Variants in CNIH3 observed in about 807,000 individuals in gnomAD.
CNIH3 encodes the protein cornichon family AMPA receptor auxiliary protein 3, also known as protein cornichon homolog 3.
In CNIH3, 14 loss-of-function variants were observed where a neutral mutation model predicts 24.1. The observed-to-expected ratio is 0.58, with a 90% CI of 0.38 to 0.91. CNIH3 has a LOEUF of 0.91. CNIH3 is among the 40% of genes least tolerant of loss of function. The probability of loss-of-function intolerance (pLI) is 0.00; values close to 1 mark genes in which losing one functional copy is unlikely to be tolerated. For missense variants in CNIH3, 178 were observed against 196.8 expected, an observed-to-expected ratio of 0.90 and a Z score of 0.57; for synonymous variants, 68 against 73.8, an observed-to-expected ratio of 0.92 and a Z score of 0.40.
intron 1 of CNIH3, among the ~76,000 whole-genome samples, chr1:224,677,439 T>C (rs760119442): frequency 9.2e-5 from 14 of 152,180 alleles, no homozygotes; most frequent in Non-Finnish European, 7.3e-5. Context: ...GTTAGGTGAA[T>C]GGATGGATAC....
In CNIH3 at chr1:224,452,514, G is replaced by T. The variant is rs192601069; in HGVS notation, n.203+17652G>T. On this transcript the variant is annotated intron_variant and non_coding_transcript_variant, in intron 1 of 5. Coordinates refer to the CNIH3 transcript ENST00000471578. ...AGTAAAGTGTTGGCCGGGCACGGTG[G>T]CTCACACCTGTAATCCCAGCACTTT... is the stretch of plus-strand genomic sequence containing the variant. 2.9e-3 allele frequency among the ~76,000 whole-genome samples: 440 copies of T among 151,832 alleles called. 3 individuals carry two copies. The highest frequency in any genetic ancestry group is 0.01 in the African/African-American group (423 of 41,462).
Position 224,616,352 on chromosome 1 carries a change from GGCA to G in CNIH3, c.-815_-813del. The G allele has an allele frequency of 1.8e-6, 1 of 562,370 alleles. No individual in the cohort carries two copies. The highest frequency in any genetic ancestry group is 2.4e-6 in the Non-Finnish European group (1 of 422,084). 34.8% of individuals were successfully genotyped at this position (562,370 alleles called of 1,614,324 possible). The stretch of plus-strand genomic sequence containing the variant: ...AGGCGGCGGCGGCGGCGGCGGCAGC[GGCA>G]GCAGCAGGTGGAGCGAGCTACAGCG... On this transcript the variant is annotated 5_prime_UTR_variant, in exon 1 of 6. Coordinates refer to ENST00000272133, the MANE Select transcript of CNIH3 (RefSeq NM_152495.2).
exon 1 of CNIH3, chr1:224,434,755 C>G: frequency 1.0e-6 from 1 of 987,040 alleles, no homozygotes; most frequent in Non-Finnish European, 1.2e-6. Flanking sequence ...CCGCTCCGCT[C>G]TGCTCCCTGG....
At chr1:224,580,297 G>C (rs1681216052) in intron 4 of CNIH3, among the ~76,000 whole-genome samples, 1 of 152,142 alleles carries the variant, frequency 6.6e-6, no homozygotes, top group Non-Finnish European at 1.5e-5. Context: ...TCATCCATCT[G>C]CTTTCCAGTT....
intron 4 of CNIH3, among the ~76,000 whole-genome samples, chr1:224,580,082 A>G (rs942998315): frequency 4.6e-5 from 7 of 152,172 alleles, no homozygotes; most frequent in Non-Finnish European, 2.9e-5. Context: ...AGCTGTGCCT[A>G]GAATCCTGAC....
rs138335492 is a variant in CNIH3, at chr1:224,456,503, C to T, written n.203+21641C>T. 6.6e-3 allele frequency among the ~76,000 whole-genome samples: 1,012 copies of T among 152,274 alleles called. 12 individuals are homozygous for T. The highest frequency in any genetic ancestry group is 0.023 in the African/African-American group (964 of 41,568). ...ACGGCTCACAGTAGCCTGGACCTCC[C>T]GGGCTCGAGCCATCCTCCCACCTCA... On this transcript the variant is annotated intron_variant and non_coding_transcript_variant, in intron 1 of 5. Transcript: ENST00000471578.
chr1:224,488,080 G>C (rs1021124637), intron 1 of CNIH3, among the ~76,000 whole-genome samples: 1 of 151,674 alleles, frequency 6.6e-6, no homozygotes, highest in African/African-American at 2.4e-5. Context: ...GTTGATACTA[G>C]TTGAGAATCT....
intron 1 of CNIH3, among the ~76,000 whole-genome samples, chr1:224,642,469 A>G (rs1029024585): frequency 1.3e-5 from 2 of 152,100 alleles, no homozygotes; most frequent in African/African-American, 2.4e-5. Context: ...GCCTCTAACA[A>G]TCCACCTGCC....
At chr1:224,443,215 A>G (rs1674994316) in intron 1 of CNIH3, among the ~76,000 whole-genome samples, 3 of 152,126 alleles carry the variant, frequency 2.0e-5, no homozygotes, top group South Asian at 4.1e-4. Flanking sequence ...GAGGAAATGA[A>G]TTTTCTTTCC....
chr1:224,714,011 C>G (rs900107473), intron 3 of CNIH3, among the ~76,000 whole-genome samples: 3 of 152,110 alleles, frequency 2.0e-5, no homozygotes, highest in Admixed American at 1.3e-4. Context: ...GATGGGATTT[C>G]ACCATGTTGT....
chr1:224,561,337 T>G (rs908664210), intron 3 of CNIH3, among the ~76,000 whole-genome samples: 8 of 152,222 alleles, frequency 5.3e-5, no homozygotes, highest in African/African-American at 1.9e-4. Flanking sequence ...TCTAAAAGTT[T>G]TATCATTTCA....
rs1180823912 is a variant in CNIH3, at chr1:224,474,218, G to A, written n.203+39356G>A. ...CGTCTCTACTAAAAATACAAAATTA[G>A]CTGGGCATGGTGGTGCATGCCTGTA... is the stretch of plus-strand genomic sequence containing the variant. On this transcript the variant is annotated intron_variant and non_coding_transcript_variant, in intron 1 of 5. Transcript: ENST00000471578. Among the ~76,000 whole-genome samples the A allele has an allele frequency of 3.9e-5, 6 of 152,156 alleles. No homozygotes were observed. The East Asian group carries it at 1.2e-3, about 30-fold the overall frequency.
chr1:224,735,580 G>A (rs1006207344), intron 5 of CNIH3, among the ~76,000 whole-genome samples: 65 of 152,238 alleles, frequency 4.3e-4, no homozygotes, highest in Non-Finnish European at 8.1e-4. Flanking sequence ...TGGACTGCAC[G>A]CCACCCCTAG....
intron 3 of CNIH3, among the ~76,000 whole-genome samples, chr1:224,715,198 A>C (rs1366874039): frequency 6.6e-6 from 1 of 152,082 alleles, no homozygotes; most frequent in Non-Finnish European, 1.5e-5. Flanking sequence ...CATCTTCCTT[A>C]GCAGTGTCTG....
rs547479266 is a variant in CNIH3 at position 224,604,919 on chromosome 1, G to A, written n.402+38655G>A. 6.6e-6 allele frequency among the ~76,000 whole-genome samples: 1 copy of A among 152,186 alleles called. No homozygotes were observed. Among genetic ancestry groups the A allele is most frequent in the Non-Finnish European group, 1.5e-5 (1 of 68,030 alleles). ...TGAGTGATGAAAATGGCTTTCAGAG[G>A]AGAGGGGACATGGGGTTGGTCCTGC... On this transcript the variant is annotated intron_variant and non_coding_transcript_variant, in intron 3 of 7. Transcript: ENST00000478120. The surrounding 1 kb of genome is among the most constrained non-coding windows in gnomAD (Gnocchi z 4.4).
chr1:224,620,588 C>A (rs557819646), intron 1 of CNIH3, among the ~76,000 whole-genome samples: 1 of 152,196 alleles, frequency 6.6e-6, no homozygotes, highest in South Asian at 2.1e-4. Flanking sequence ...TTAAATTAGA[C>A]TTCTGCTTAT....
At chr1:224,496,499 G>A (rs575765697) in intron 1 of CNIH3, among the ~76,000 whole-genome samples, 1 of 152,226 alleles carries the variant, frequency 6.6e-6, no homozygotes, top group Middle Eastern at 3.4e-3. Flanking sequence ...TCTTCCAGGT[G>A]GTATAGCAGT....
intron 3 of CNIH3, among the ~76,000 whole-genome samples, chr1:224,727,579 T>C (rs954270198): frequency 1.3e-5 from 2 of 152,166 alleles, no homozygotes; most frequent in African/African-American, 4.8e-5. Flanking sequence ...CCTTACCACC[T>C]TCCAGAAGGC....
chr1:224,520,953 G>A (rs1020446502), intron 1 of CNIH3: 6 of 152,168 alleles, frequency 3.9e-5, no homozygotes, highest in African/African-American at 1.4e-4. Context: ...ATGTCGTCAG[G>A]GCACTAACTT....
Sources: gnomAD v4.1 joint callset for allele counts (sites outside exome capture counted in the v4.1 genomes callset) on GRCh38, gnomAD v4.1.1 for gene constraint, Gnocchi (gnomAD v3.1) non-coding constraint, MANE v1.5 for transcripts, NCBI Gene and HGNC (gene_info 2026-07-23, HGNC 2026-07-21) for gene names.